CRPPA: variants seen among roughly 807,000 people sequenced by gnomAD.
CRPPA encodes the protein CDP-L-ribitol pyrophosphorylase A, also known as D-ribitol-5-phosphate cytidylyltransferase.
In CRPPA, 43 loss-of-function variants were observed where a neutral mutation model predicts 52.0. The observed-to-expected ratio is 0.83, with a 90% CI of 0.65 to 1.07. The LOEUF is 1.07. Among genes scored for constraint, CRPPA ranks in the 50% least tolerant of loss-of-function variants. CRPPA has a pLI of 0.00. For synonymous variants in CRPPA, 250 were observed against 203.5 expected (o/e 1.23, Z -1.94); for missense variants, 629 against 551.7 (o/e 1.14, Z -1.40).
At chr7:16,394,585 T>C (rs1273331125) in intron 2 of CRPPA, among the ~76,000 whole-genome samples, 1 of 152,174 alleles carries the variant, frequency 6.6e-6, no homozygotes, top group Admixed American at 6.6e-5. Context: ...ACAAAGTTCT[T>C]CAGTAGTTTT....
intron 9 of CRPPA, among the ~76,000 whole-genome samples, chr7:16,159,880 G>A (rs1783266007): frequency 6.6e-6 from 1 of 152,060 alleles, no homozygotes; most frequent in Admixed American, 6.6e-5. Flanking sequence ...GTTGTTTCCT[G>A]ACGTTTTAAT....
intron 9 of CRPPA, among the ~76,000 whole-genome samples, chr7:16,162,493 G>T (rs137960537): frequency 0.06 from 9,104 of 152,270 alleles, 354 homozygotes; most frequent in East Asian, 0.13. Flanking sequence ...GGTTTTGAGT[G>T]AGTTTCTTAA....
chr7:16,094,082 T>C (rs952514381), intron 9 of CRPPA, among the ~76,000 whole-genome samples: 1 of 152,192 alleles, frequency 6.6e-6, no homozygotes, highest in African/African-American at 2.4e-5. Flanking sequence ...CAATAAATCA[T>C]CTATGTTCAT....
chr7:16,135,621 T>A (rs1171750586), intron 9 of CRPPA, among the ~76,000 whole-genome samples: 2 of 152,208 alleles, frequency 1.3e-5, no homozygotes, highest in African/African-American at 4.8e-5. Context: ...TTATAAATGA[T>A]TCAAAAGCCA....
intron 8 of CRPPA, among the ~76,000 whole-genome samples, chr7:16,245,868 A>T (rs748975876): frequency 2.6e-5 from 4 of 152,094 alleles, no homozygotes; most frequent in Non-Finnish European, 5.9e-5. Flanking sequence ...TTAAATTAAA[A>T]CTGTGTATTG....
chr7:16,233,098 A>C (rs1177753818), intron 8 of CRPPA, among the ~76,000 whole-genome samples: 5 of 152,100 alleles, frequency 3.3e-5, no homozygotes, highest in Non-Finnish European at 7.4e-5. Flanking sequence ...ATTAAAGATT[A>C]GTAAACTTGA....
At chr7:16,343,519 T>C (rs1010091618) in intron 3 of CRPPA, among the ~76,000 whole-genome samples, 2 of 152,174 alleles carry the variant, frequency 1.3e-5, no homozygotes, top group African/African-American at 4.8e-5. Context: ...GCAAAATCTA[T>C]TTCCCAATAT....
intron 9 of CRPPA, among the ~76,000 whole-genome samples, chr7:16,106,319 T>A (rs993073786): frequency 3.3e-5 from 5 of 152,230 alleles, no homozygotes; most frequent in African/African-American, 9.6e-5. Flanking sequence ...TGACCTGTGC[T>A]GAGCAGCAAT....
At chr7:16,320,592 A>G (rs1785241565) in intron 3 of CRPPA, among the ~76,000 whole-genome samples, 1 of 152,144 alleles carries the variant, frequency 6.6e-6, no homozygotes, top group African/African-American at 2.4e-5. Flanking sequence ...ACCAAGAACA[A>G]TATATACATT....
At chr7:16,355,727 T>G (rs1291938724) in intron 3 of CRPPA, among the ~76,000 whole-genome samples, 2 of 152,212 alleles carry the variant, frequency 1.3e-5, no homozygotes, top group African/African-American at 4.8e-5. Flanking sequence ...TGTTCTGGCA[T>G]CTACCAACAC....
At chr7:16,317,043 T>C (rs1329579548) in intron 3 of CRPPA, among the ~76,000 whole-genome samples, 1 of 152,182 alleles carries the variant, frequency 6.6e-6, no homozygotes, top group African/African-American at 2.4e-5. Flanking sequence ...ATGTATAAAC[T>C]GTACATTACA....
chr7:16,368,260 G>GT (rs1265195974), intron 3 of CRPPA, among the ~76,000 whole-genome samples: 3 of 152,140 alleles, frequency 2.0e-5, no homozygotes, highest in Non-Finnish European at 4.4e-5. Flanking sequence ...AGATCGCATA[G>GT]TTTCCACTCT....
intron 9 of CRPPA, among the ~76,000 whole-genome samples, chr7:16,127,509 T>A (rs1337869825): frequency 1.3e-5 from 2 of 152,150 alleles, no homozygotes; most frequent in Non-Finnish European, 2.9e-5. Flanking sequence ...ATGTGAGCTT[T>A]CCTATGTAAA....
intron 9 of CRPPA, among the ~76,000 whole-genome samples, chr7:16,179,580 A>C (rs1781371145): frequency 6.6e-6 from 1 of 152,128 alleles, no homozygotes; most frequent in Non-Finnish European, 1.5e-5. Context: ...TAATGCAGGC[A>C]GCCTTCAGAA....
At chr7:16,240,707 C>CT (rs1783081623) in intron 8 of CRPPA, among the ~76,000 whole-genome samples, 1 of 152,058 alleles carries the variant, frequency 6.6e-6, no homozygotes, top group Admixed American at 6.6e-5. Context: ...ATAGCCAGCT[C>CT]TTTTGTTTGA....
chr7:16,116,692 G>GGAAGGGAAAGGAAAGGGAAGA, intron 9 of CRPPA, among the ~76,000 whole-genome samples: 1 of 150,240 alleles, frequency 6.7e-6, no homozygotes, highest in African/African-American at 2.5e-5. Context: ...GAAAGGGAAG[G>GGAAGGGAAAGGAAAGGGAAGA]GAAAGGGAAG....
chr7:16,126,850 GT>G (rs1196588672), intron 9 of CRPPA, among the ~76,000 whole-genome samples: 2 of 152,106 alleles, frequency 1.3e-5, no homozygotes, highest in Non-Finnish European at 2.9e-5. Flanking sequence ...GAACATCAGA[GT>G]TTTGTCATAG....
chr7:16,342,838 T>G (rs1272962424), intron 3 of CRPPA, among the ~76,000 whole-genome samples: 1 of 145,696 alleles, frequency 6.9e-6, no homozygotes, highest in Non-Finnish European at 1.5e-5. Flanking sequence ...GATATATAGA[T>G]ATATAGATAT....
At chr7:16,396,561 T>C (rs1319318456) in intron 2 of CRPPA, among the ~76,000 whole-genome samples, 1 of 152,216 alleles carries the variant, frequency 6.6e-6, no homozygotes, top group African/African-American at 2.4e-5. Flanking sequence ...GATCCAGCAA[T>C]CCCACTACTG....
Sources: allele counts gnomAD v4.1 joint callset (sites outside exome capture counted in the v4.1 genomes callset), GRCh38; gene constraint gnomAD v4.1.1; transcripts MANE v1.5; gene names NCBI Gene and HGNC (gene_info 2026-07-23, HGNC 2026-07-21).